Variants in MYRIP observed in about 807,000 individuals in gnomAD.
MYRIP encodes myosin VIIA and Rab interacting protein.
In MYRIP, 49 loss-of-function variants were observed where a neutral mutation model predicts 98.0. That is an observed-to-expected ratio of 0.50 (90% CI 0.40 to 0.63). MYRIP has a LOEUF of 0.63. Ranked by LOEUF, MYRIP falls within the 30% of genes least tolerant of loss-of-function variation. MYRIP has a pLI of 0.00. For missense variants in MYRIP, 1,004 were observed against 1,058.2 expected (o/e 0.95, Z 0.71); for synonymous variants, 404 against 409.5 (o/e 0.99, Z 0.16).
At position 40,190,378 on chromosome 3, in the gene MYRIP, G is replaced by A; in HGVS notation, c.1580G>A (p.Trp527Ter). The A allele has an allele frequency of 6.2e-7, 1 of 1,613,936 alleles. No individual in the cohort carries two copies. Among genetic ancestry groups the A allele is most frequent in the Non-Finnish European group, 8.5e-7 (1 of 1,179,956 alleles). Reference sequence around the variant, plus strand: ...ACCACAGACCGGCGGGCCAGGAGGTGGAGAAGAGCCCGACTGGGCTCAGAA... The same window carrying A: ...ACCACAGACCGGCGGGCCAGGAGGTAGAGAAGAGCCCGACTGGGCTCAGAA... ...PHTTDRRARR[W>*]RRARLGSEEP... The change falls in exon 10 of 17, where the codon TGG (tryptophan) becomes TAG (stop). Residue 527 changes from tryptophan (W) to a stop codon, truncating the protein, a stop_gained. Transcript: ENST00000302541. LOFTEE classifies it high-confidence loss of function.
intron 3 of MYRIP, among the ~76,000 whole-genome samples, chr3:40,133,671 A>T (rs1949695945): frequency 6.6e-6 from 1 of 152,178 alleles, no homozygotes; most frequent in Non-Finnish European, 1.5e-5. Context: ...CAAGAGGTGG[A>T]GATTGCAGTG....
chr3:40,121,324 T>C (rs1373546665), intron 3 of MYRIP, among the ~76,000 whole-genome samples: 1 of 152,214 alleles, frequency 6.6e-6, no homozygotes, highest in African/African-American at 2.4e-5. Context: ...TTATCCCTAT[T>C]AATACAGGAC....
At chr3:40,007,338 T>C (rs1328580790) in intron 2 of MYRIP, among the ~76,000 whole-genome samples, 2 of 97,696 alleles carry the variant, frequency 2.0e-5, no homozygotes, top group Non-Finnish European at 4.6e-5. Flanking sequence ...AGTTTAAATA[T>C]ATGTTAAAAA....
intron 2 of MYRIP, among the ~76,000 whole-genome samples, chr3:39,917,790 CT>C (rs1944199455): frequency 6.6e-6 from 1 of 152,102 alleles, no homozygotes; most frequent in Non-Finnish European, 1.5e-5. Context: ...ATGAAAAGAT[CT>C]TCTTGACCAA....
intron 3 of MYRIP, among the ~76,000 whole-genome samples, chr3:40,084,243 AAATATAT>A: frequency 6.8e-6 from 1 of 146,292 alleles, no homozygotes; most frequent in Middle Eastern, 4.1e-3. Context: ...TAAAATGTAG[AAATATAT>A]AATATATAAA....
chr3:40,138,531 T>G (rs567892126), intron 3 of MYRIP, among the ~76,000 whole-genome samples: 11 of 152,366 alleles, frequency 7.2e-5, no homozygotes, highest in African/African-American at 2.4e-4. Flanking sequence ...CAAGAAATGT[T>G]TAAAGTTTTT....
intron 3 of MYRIP, among the ~76,000 whole-genome samples, chr3:40,065,498 T>C (rs1408199289): frequency 2.0e-5 from 3 of 152,120 alleles, no homozygotes; most frequent in Non-Finnish European, 4.4e-5. Context: ...ATTTGGTGGA[T>C]GTTGATATCA....
intron 10 of MYRIP, among the ~76,000 whole-genome samples, chr3:40,193,583 G>A (rs545451260): frequency 5.3e-4 from 80 of 152,330 alleles, no homozygotes; most frequent in African/African-American, 1.8e-3. Context: ...AGTATGAGAA[G>A]TGGAACTGCT....
chr3:39,917,772 C>T (rs1944198192), intron 2 of MYRIP, among the ~76,000 whole-genome samples: 2 of 152,058 alleles, frequency 1.3e-5, no homozygotes, highest in South Asian at 2.1e-4. Context: ...GCTAAATATA[C>T]CTTTCTCATG....
At chr3:39,899,619 T>C (rs1943699465) in intron 1 of MYRIP, among the ~76,000 whole-genome samples, 1 of 152,106 alleles carries the variant, frequency 6.6e-6, no homozygotes, top group Non-Finnish European at 1.5e-5. Context: ...ATTTATAGGG[T>C]ATATAAATTT....
At chr3:39,978,363 G>C (rs915226038) in intron 2 of MYRIP, among the ~76,000 whole-genome samples, 2 of 152,226 alleles carry the variant, frequency 1.3e-5, no homozygotes, top group African/African-American at 4.8e-5. Context: ...AAGATTGCCA[G>C]TGGGTGACGA....
chr3:40,107,495 A>G (rs1949071639), intron 3 of MYRIP, among the ~76,000 whole-genome samples: 2 of 152,214 alleles, frequency 1.3e-5, no homozygotes, highest in African/African-American at 4.8e-5. Context: ...ATGAGAGCAT[A>G]GAGGGGGCTG....
intron 2 of MYRIP, among the ~76,000 whole-genome samples, chr3:39,968,937 T>C (rs533862532): frequency 2.6e-5 from 4 of 152,210 alleles, no homozygotes; most frequent in Non-Finnish European, 4.4e-5. Flanking sequence ...ATCAATGATA[T>C]TGATTTTTCC....
chr3:40,094,547 A>C (rs897412752), intron 3 of MYRIP, among the ~76,000 whole-genome samples: 3 of 152,198 alleles, frequency 2.0e-5, no homozygotes, highest in African/African-American at 7.2e-5. Context: ...CCTAGTGCCC[A>C]GGGGTCCCTA....
At chr3:39,872,004 A>G (rs1942805472) in intron 1 of MYRIP, among the ~76,000 whole-genome samples, 1 of 152,062 alleles carries the variant, frequency 6.6e-6, no homozygotes, top group African/African-American at 2.4e-5. Flanking sequence ...TGAAGCTATT[A>G]TTTAAGATAT....
chr3:39,941,972 A>G (rs1185921658), intron 2 of MYRIP, among the ~76,000 whole-genome samples: 1 of 152,136 alleles, frequency 6.6e-6, no homozygotes, highest in East Asian at 1.9e-4. Flanking sequence ...CTCACTGGAG[A>G]AACATATCAT....
intron 1 of MYRIP, among the ~76,000 whole-genome samples, chr3:39,867,634 G>A (rs185855132): frequency 1.4e-4 from 22 of 152,270 alleles, no homozygotes; most frequent in Admixed American, 1.4e-3. Flanking sequence ...CCATTATCAA[G>A]AAACAAGAGA....
At chr3:40,089,221 A>C (rs896908879) in intron 3 of MYRIP, among the ~76,000 whole-genome samples, 4 of 152,204 alleles carry the variant, frequency 2.6e-5, no homozygotes, top group Non-Finnish European at 5.9e-5. Context: ...TGGGGAAAGT[A>C]GGTATCTGAC....
At chr3:39,890,450 A>T (rs557361205) in intron 1 of MYRIP, among the ~76,000 whole-genome samples, 1 of 152,008 alleles carries the variant, frequency 6.6e-6, no homozygotes, top group African/African-American at 2.4e-5. Flanking sequence ...CCAGTGTTCC[A>T]GTAAGTCTTA....
Sources: gnomAD v4.1 joint callset for allele counts (sites outside exome capture counted in the v4.1 genomes callset) on GRCh38, gnomAD v4.1.1 for gene constraint, MANE v1.5 for transcripts, NCBI Gene and HGNC (gene_info 2026-07-23, HGNC 2026-07-21) for gene names.